The following SPTLC2 variants were observed in gnomAD, a reference collection of about 807,000 sequenced individuals.
SPTLC2 encodes the protein serine palmitoyltransferase long chain base subunit 2.
Under a neutral mutation model 62.0 loss-of-function variants are expected in SPTLC2, and 21 were observed. That is an observed-to-expected ratio of 0.34 (90% CI 0.24 to 0.49). The LOEUF (loss-of-function observed/expected upper bound fraction) is 0.49. Among genes scored for constraint, SPTLC2 ranks in the 20% least tolerant of loss-of-function variants. The pLI is 0.99. For synonymous variants in SPTLC2, 261 were observed against 261.8 expected (o/e 1.00, Z 0.03); for missense variants, 511 against 713.0 (o/e 0.72, Z 3.23).
rs1186979088 is a variant in SPTLC2 at position 77,510,852 on chromosome 14, CA to C, written c.*1431del. The C allele has an allele frequency of 2.0e-5, 3 of 152,604 alleles. No individual in the cohort carries two copies. The highest frequency in any genetic ancestry group is 7.2e-5 in the African/African-American group (3 of 41,438). The allele number at this position is 152,604 out of a possible 1,614,324, so 9.5% of individuals were successfully genotyped here. On this transcript the variant is annotated 3_prime_UTR_variant, in exon 12 of 12. Transcript: ENST00000216484. ...GTAATACTTGATGGATACAAAAAGA[CA>C]AACTGATCCTGGGTATAATATGCCA...
At chr14:77,574,563 C>T (rs2079703185) in intron 4 of SPTLC2, among the ~76,000 whole-genome samples, 1 of 152,182 alleles carries the variant, frequency 6.6e-6, no homozygotes, top group South Asian at 2.1e-4. Context: ...AGCAGCACTG[C>T]TGACAATAGC....
At chr14:77,522,267 G>A (rs1594968991) in intron 9 of SPTLC2, among the ~76,000 whole-genome samples, 1 of 151,970 alleles carries the variant, frequency 6.6e-6, no homozygotes, top group East Asian at 1.9e-4. Flanking sequence ...GGGTTCAAGC[G>A]ATTCTCCTGT....
rs774966702 is a variant in SPTLC2, at chr14:77,578,921, ATTG to A, written c.482+31_482+33del. ...TCTCAAATGAAGAAACCCTTTTGTA[ATTG>A]TTGTCAAATAATTTCCCAACCAAGA... On this transcript the variant is annotated intron_variant, in intron 3 of 11. Coordinates refer to ENST00000216484, the MANE Select transcript of SPTLC2 (RefSeq NM_004863.4). 22 of 1,611,708 alleles carry A rather than the reference ATTG, an allele frequency of 1.4e-5. No individual in the cohort carries two copies. The East Asian group carries it at 4.5e-4, about 33-fold the overall frequency.
intron 6 of SPTLC2, among the ~76,000 whole-genome samples, chr14:77,559,520 T>C (rs1402479810): frequency 1.3e-5 from 2 of 152,148 alleles, no homozygotes; most frequent in Non-Finnish European, 2.9e-5. Context: ...CCGAAAGTCG[T>C]AAAACAGTAA....
intron 9 of SPTLC2, among the ~76,000 whole-genome samples, chr14:77,522,856 G>A (rs1873778531): frequency 6.6e-6 from 1 of 152,114 alleles, no homozygotes. Flanking sequence ...AAGTTCTTAT[G>A]ACAAATTAAC....
At position 77,558,155 on chromosome 14, in the gene SPTLC2, C is replaced by G. The variant is rs188278265; in HGVS notation, c.851-1009G>C. Reference sequence around the variant, plus strand: ...CTCCACCTCCAAGGTTCAAGCAATTCTCCTGCCTCAGCCTCCCAAGTAGCT... The same window carrying G: ...CTCCACCTCCAAGGTTCAAGCAATTGTCCTGCCTCAGCCTCCCAAGTAGCT... On this transcript the variant is annotated intron_variant, in intron 6 of 11. Transcript: ENST00000216484. Among the ~76,000 whole-genome samples the G allele has an allele frequency of 9.9e-5, 15 of 151,754 alleles. No homozygotes were observed. The East Asian group carries it at 2.9e-3, about 29-fold the overall frequency.
At chr14:77,594,270 CTG>C (rs1468761829) in intron 2 of SPTLC2, among the ~76,000 whole-genome samples, 1 of 152,228 alleles carries the variant, frequency 6.6e-6, no homozygotes, top group Non-Finnish European at 1.5e-5. Flanking sequence ...AGAATAAAAT[CTG>C]TGTGTTCTAA....
intron 3 of SPTLC2, among the ~76,000 whole-genome samples, chr14:77,577,258 A>G (rs973449576): frequency 6.6e-6 from 1 of 152,074 alleles, no homozygotes; most frequent in Admixed American, 6.6e-5. Flanking sequence ...GCACATGAGA[A>G]TATATACACA....
At chr14:77,530,864 A>C (rs2079434809) in intron 9 of SPTLC2, among the ~76,000 whole-genome samples, 2 of 152,232 alleles carry the variant, frequency 1.3e-5, no homozygotes, top group South Asian at 4.1e-4. Flanking sequence ...TTAAGTATTT[A>C]ACGTAGGAAT....
At chr14:77,589,897 G>C (rs1353839118) in intron 2 of SPTLC2, among the ~76,000 whole-genome samples, 2 of 149,972 alleles carry the variant, frequency 1.3e-5, no homozygotes, top group East Asian at 3.9e-4. Flanking sequence ...AGAATCACTT[G>C]AACCCAGAAG....
intron 9 of SPTLC2, among the ~76,000 whole-genome samples, chr14:77,542,166 GA>G (rs1182587550): frequency 1.3e-5 from 2 of 149,958 alleles, no homozygotes; most frequent in African/African-American, 2.5e-5. Context: ...AGCATGTAAA[GA>G]AAAAAAAAGT....
chr14:77,567,942 T>G (rs1175079304), intron 5 of SPTLC2, among the ~76,000 whole-genome samples: 1 of 152,152 alleles, frequency 6.6e-6, no homozygotes, highest in South Asian at 2.1e-4. Context: ...TTCAGATTTT[T>G]ATGGATTTTG....
intron 1 of SPTLC2, among the ~76,000 whole-genome samples, chr14:77,610,914 TA>T (rs1328996251): frequency 7.9e-6 from 1 of 126,574 alleles, no homozygotes; most frequent in Non-Finnish European, 1.7e-5. Context: ...TTTATATATA[TA>T]TATTTTTATT....
Position 77,512,377 on chromosome 14 carries a change from C to T in SPTLC2, c.1596G>A (p.Gly532=). ...DTALKEIDEV[G]DLLQLKYSRH... Reference sequence around the variant, plus strand: ...GGGAATACTTCAGCTGCAATAGGTCCCCAACTTCATCTATCTCCTTTAAAG... The same window carrying T: ...GGGAATACTTCAGCTGCAATAGGTCTCCAACTTCATCTATCTCCTTTAAAG... The change falls in exon 12 of 12, where the codon GGG becomes GGA. Residue 532 remains glycine (G), a synonymous_variant. Transcript: ENST00000216484. 1 of 1,614,214 alleles carries T rather than the reference C, an allele frequency of 6.2e-7. No individual in the cohort carries two copies. The highest frequency in any genetic ancestry group is 1.1e-5 in the South Asian group (1 of 91,090).
At chr14:77,605,128 C>G (rs2079898446) in intron 1 of SPTLC2, among the ~76,000 whole-genome samples, 1 of 152,066 alleles carries the variant, frequency 6.6e-6, no homozygotes, top group African/African-American at 2.4e-5. Flanking sequence ...CCTCTCACTT[C>G]AGCCTCCAGA....
Position 77,597,731 on chromosome 14 carries a change from G to A in SPTLC2, c.133-351C>T, listed in dbSNP as rs972216614. Among the ~76,000 whole-genome samples the A allele has an allele frequency of 8.0e-5, 12 of 149,106 alleles. No individual in the cohort carries two copies. In the East Asian group the frequency reaches 1.4e-3, roughly 17 times the overall value. On this transcript the variant is annotated intron_variant, in intron 1 of 11. Transcript: ENST00000216484. ...GGAGGCTGCAGTAAGCCAAGATCAC[G>A]CCACTGCACTCCTGCCTGGGTGACA...
At chr14:77,555,776 G>A (rs1471938048) in intron 7 of SPTLC2, among the ~76,000 whole-genome samples, 4 of 151,850 alleles carry the variant, frequency 2.6e-5, no homozygotes, top group Admixed American at 6.6e-5. Context: ...CCACCACCAC[G>A]CCCAGATAAT....
chr14:77,517,037 G>A (rs951892367), intron 11 of SPTLC2, among the ~76,000 whole-genome samples: 2 of 152,074 alleles, frequency 1.3e-5, no homozygotes, highest in South Asian at 2.1e-4. Flanking sequence ...ACCTGAGGTC[G>A]GGAGTTCGAG....
chr14:77,599,083 T>C (rs1157764779), intron 1 of SPTLC2, among the ~76,000 whole-genome samples: 1 of 152,226 alleles, frequency 6.6e-6, no homozygotes, highest in Non-Finnish European at 1.5e-5. Context: ...GTTTTAACCT[T>C]TGGGATACTT....
Sources: gnomAD v4.1 joint callset for allele counts (sites outside exome capture counted in the v4.1 genomes callset) on GRCh38, gnomAD v4.1.1 for gene constraint, MANE v1.5 for transcripts, NCBI Gene and HGNC (gene_info 2026-07-23, HGNC 2026-07-21) for gene names.